The following LHPP variants were observed in gnomAD, a reference collection of about 807,000 sequenced individuals.
LHPP encodes the protein phospholysine phosphohistidine inorganic pyrophosphate phosphatase, also known as hLHPP.
Under a neutral mutation model 30.3 loss-of-function variants are expected in LHPP, and 24 were observed. The observed-to-expected ratio is 0.79, with a 90% CI of 0.57 to 1.11. The LOEUF (loss-of-function observed/expected upper bound fraction) is 1.11. Among genes scored for constraint, LHPP ranks in the 50% most tolerant of loss-of-function variants. LHPP has a pLI of 0.00. For synonymous variants in LHPP, 150 were observed against 157.1 expected (o/e 0.95, Z 0.34); for missense variants, 356 against 367.2 (o/e 0.97, Z 0.25).
intron 6 of LHPP, among the ~76,000 whole-genome samples, chr10:124,542,794 C>T (rs919044807): frequency 6.6e-6 from 1 of 152,198 alleles, no homozygotes; most frequent in Non-Finnish European, 1.5e-5. Flanking sequence ...CCCCTCTGCC[C>T]TCTCGCCTCC....
rs933330044 is a variant in LHPP, at chr10:124,484,357, G to A, written c.313+31G>A. Reference sequence around the variant, plus strand: ...CCTGTCGGACACCAGGACCTCACGGGGGTGAAAGCTCCCCTTTCCCAGGGT... The same window carrying A: ...CCTGTCGGACACCAGGACCTCACGGAGGTGAAAGCTCCCCTTTCCCAGGGT... On this transcript the variant is annotated intron_variant, in intron 2 of 6. Coordinates refer to ENST00000368842, the MANE Select transcript of LHPP (RefSeq NM_022126.4). The A allele has an allele frequency of 2.5e-6, 4 of 1,591,446 alleles. No individual in the cohort carries two copies. In the East Asian group the frequency reaches 6.7e-5, roughly 27 times the overall value.
In LHPP at chr10:124,497,260, C is replaced by T. The variant is rs138137734; in HGVS notation, c.531+236C>T. Reference sequence around the variant, plus strand: ...CCATCCTTCCCATCCTCCCCATCCTCCCCATCCTCCCCATCCTCCCCATCC... The same window carrying T: ...CCATCCTTCCCATCCTCCCCATCCTTCCCATCCTCCCCATCCTCCCCATCC... On this transcript the variant is annotated intron_variant, in intron 4 of 6. Coordinates refer to ENST00000368842, the MANE Select transcript of LHPP (RefSeq NM_022126.4). Among the ~76,000 whole-genome samples, 371 of 79,032 alleles carry T rather than the reference C, an allele frequency of 4.7e-3. 3 individuals carry two copies. The highest frequency in any genetic ancestry group is 0.013 in the African/African-American group (313 of 24,214). The allele number at this position is 79,032 out of a possible 152,430, so 51.8% of individuals were successfully genotyped here.
At chr10:124,511,470 G>C (rs533012019) in intron 5 of LHPP, among the ~76,000 whole-genome samples, 6 of 152,190 alleles carry the variant, frequency 3.9e-5, no homozygotes, top group Admixed American at 6.5e-5. Flanking sequence ...AGGAAGACGT[G>C]GTTTTATTTC....
chr10:124,490,568 G>T, intron 3 of LHPP: 1 of 312,934 alleles, frequency 3.2e-6, no homozygotes, highest in South Asian at 3.2e-5. Context: ...GTTCTTCTTA[G>T]GCATCAACAT....
intron 6 of LHPP, among the ~76,000 whole-genome samples, chr10:124,584,925 C>A (rs1171315030): frequency 6.6e-6 from 1 of 152,118 alleles, no homozygotes; most frequent in East Asian, 1.9e-4. Context: ...CAGTCAAAAC[C>A]CAATCAAAAC....
In LHPP at chr10:124,585,233, A is replaced by C. The variant is rs1280484695; in HGVS notation, c.717-28031A>C. 2.6e-5 allele frequency among the ~76,000 whole-genome samples: 4 copies of C among 152,348 alleles called. No homozygotes were observed. The Middle Eastern group carries it at 0.01, about 389-fold the overall frequency. On this transcript the variant is annotated intron_variant, in intron 6 of 6. Coordinates refer to ENST00000368842, the MANE Select transcript of LHPP (RefSeq NM_022126.4). ...TATAAAATTTGCACTTCCGTTGTCAAATTTACTACTGAGTATTTTATTCTT... is the reference window on the plus strand; with the variant it reads ...TATAAAATTTGCACTTCCGTTGTCACATTTACTACTGAGTATTTTATTCTT...
chr10:124,609,161 T>G (rs1194564591), intron 6 of LHPP, among the ~76,000 whole-genome samples: 1 of 152,224 alleles, frequency 6.6e-6, no homozygotes, highest in East Asian at 1.9e-4. Context: ...ACTCTCTTCT[T>G]TTTACACCCC....
At chr10:124,546,063 C>T (rs575574387) in intron 6 of LHPP, 223 of 152,332 alleles carry the variant, frequency 1.5e-3, no homozygotes, top group Non-Finnish European at 2.5e-3. Flanking sequence ...CTTGCCAAAG[C>T]GCACAAGACC....
At chr10:124,472,514 T>C (rs1464756150) in intron 1 of LHPP, among the ~76,000 whole-genome samples, 2 of 152,150 alleles carry the variant, frequency 1.3e-5, no homozygotes, top group Admixed American at 6.6e-5. Flanking sequence ...ATATGAGTGC[T>C]GTATATACCA....
At chr10:124,555,489 C>T (rs536854851) in intron 6 of LHPP, among the ~76,000 whole-genome samples, 1 of 152,064 alleles carries the variant, frequency 6.6e-6, no homozygotes, top group African/African-American at 2.4e-5. Context: ...GTGCTACCCA[C>T]CCAACCTGTG....
At chr10:124,530,037 A>G (rs1033557307) in intron 6 of LHPP, among the ~76,000 whole-genome samples, 2 of 151,852 alleles carry the variant, frequency 1.3e-5, no homozygotes, top group Admixed American at 6.5e-5. Flanking sequence ...CATGCATCCC[A>G]TGAGGCCGTC....
intron 1 of LHPP, among the ~76,000 whole-genome samples, chr10:124,469,730 A>G (rs924620064): frequency 4.6e-5 from 7 of 151,984 alleles, no homozygotes; most frequent in African/African-American, 1.7e-4. Context: ...ACACCATCCT[A>G]GGCCCTGGGG....
intron 6 of LHPP, among the ~76,000 whole-genome samples, chr10:124,540,346 C>T (rs539814477): frequency 8.2e-4 from 125 of 152,298 alleles, no homozygotes; most frequent in African/African-American, 2.8e-3. Flanking sequence ...GACTTGCGGC[C>T]GGGGACCCAG....
At chr10:124,488,342 G>C (rs1044050561) in intron 2 of LHPP, 80 bp from the exon 3 acceptor site, 4 of 1,272,306 alleles carry the variant, frequency 3.1e-6, no homozygotes, top group Non-Finnish European at 4.5e-6. Flanking sequence ...ACATGTGAAA[G>C]GTGTCCCTGG....
chr10:124,530,998 C>T lies in LHPP; in HGVS notation c.716+13727C>T, dbSNP rs549235775. Among the ~76,000 whole-genome samples the T allele has an allele frequency of 1.6e-4, 25 of 152,190 alleles. 1 individual carries two copies. The highest frequency in any genetic ancestry group is 2.6e-4 in the Non-Finnish European group (18 of 68,034). On this transcript the variant is annotated intron_variant, in intron 6 of 6. Coordinates refer to ENST00000368842, the MANE Select transcript of LHPP (RefSeq NM_022126.4). The stretch of plus-strand genomic sequence containing the variant: ...ATTGGGGGCCTCCCAGTGTTCCCTG[C>T]GAGTTTGGAGAGGCCAGGTCCCTGG...
At chr10:124,526,263 A>G (rs1954731659) in intron 6 of LHPP, 3 of 983,324 alleles carry the variant, frequency 3.1e-6, no homozygotes, top group Non-Finnish European at 3.6e-6. Context: ...GGGATAACGC[A>G]GGTATGCCTC....
chr10:124,608,345 A>AGCCCC (rs71484573), intron 6 of LHPP, among the ~76,000 whole-genome samples: 34,467 of 152,038 alleles, frequency 0.23, 4,513 homozygotes, highest in Middle Eastern at 0.28. Flanking sequence ...TGGCCAGCCC[A>AGCCCC]GCCCCAGCCC....
At chr10:124,595,195 T>TG (rs912797537) in intron 6 of LHPP, among the ~76,000 whole-genome samples, 2 of 152,212 alleles carry the variant, frequency 1.3e-5, no homozygotes, top group Non-Finnish European at 1.5e-5. Context: ...TGGGCAGGGT[T>TG]GGGGGGTGAA....
chr10:124,578,961 G>T (rs1044988363), intron 6 of LHPP, among the ~76,000 whole-genome samples: 1 of 62,168 alleles, frequency 1.6e-5, no homozygotes, highest in Non-Finnish European at 4.4e-5. Flanking sequence ...GGATAGCACG[G>T]ACGGGGGGGT....
Sources: gnomAD v4.1 joint callset for allele counts (sites outside exome capture counted in the v4.1 genomes callset) on GRCh38, gnomAD v4.1.1 for gene constraint, MANE v1.5 for transcripts, NCBI Gene and HGNC (gene_info 2026-07-23, HGNC 2026-07-21) for gene names.